SP140: variants seen among roughly 807,000 people sequenced by gnomAD.
The protein encoded by SP140 is nuclear body protein SP140.
In SP140, 81 loss-of-function variants were observed where a neutral mutation model predicts 125.0. The observed-to-expected ratio is 0.65, with a 90% CI of 0.54 to 0.78. The LOEUF (loss-of-function observed/expected upper bound fraction) is 0.78. SP140 is among the 30% of genes least tolerant of loss of function. The probability of loss-of-function intolerance (pLI) is 0.00; values close to 1 mark genes in which losing one functional copy is unlikely to be tolerated. For synonymous variants in SP140, 312 were observed against 354.0 expected (o/e 0.88, Z 1.33); for missense variants, 858 against 1,037.0 (o/e 0.83, Z 2.37).
intron 12 of SP140, among the ~76,000 whole-genome samples, chr2:230,257,455 G>C (rs373497720): frequency 6.6e-6 from 1 of 152,108 alleles, no homozygotes; most frequent in Non-Finnish European, 1.5e-5. Flanking sequence ...GTAATAAAAA[G>C]ATATCACTAG....
At chr2:230,214,891 C>T in intron 3 of SP140, 13 of 1,456,694 alleles carry the variant, frequency 8.9e-6, no homozygotes, top group Non-Finnish European at 1.3e-5. Context: ...TAGAAGTAAA[C>T]CCAGACTTTT....
At chr2:230,270,385 G>A (rs992071060) in intron 14 of SP140, among the ~76,000 whole-genome samples, 1 of 152,102 alleles carries the variant, frequency 6.6e-6, no homozygotes, top group Non-Finnish European at 1.5e-5. Flanking sequence ...AGCCCAACAC[G>A]TATTTTTGAT....
At chr2:230,269,366 G>A (rs977576369) in intron 12 of SP140, among the ~76,000 whole-genome samples, 166 bp from the exon 13 acceptor site, 10 of 102,986 alleles carry the variant, frequency 9.7e-5, no homozygotes, top group Non-Finnish European at 1.5e-4. Context: ...TGGGGAGAGC[G>A]TGGCTCTGTT....
At chr2:230,250,611 G>A (rs918016657) in intron 9 of SP140, among the ~76,000 whole-genome samples, 3 of 152,118 alleles carry the variant, frequency 2.0e-5, no homozygotes, top group African/African-American at 7.2e-5. Context: ...CAGAGTCAGG[G>A]GTGCAAGAGA....
At chr2:230,303,424 C>G (rs2058487193) in intron 22 of SP140, among the ~76,000 whole-genome samples, 1 of 152,060 alleles carries the variant, frequency 6.6e-6, no homozygotes, top group Admixed American at 6.6e-5. Flanking sequence ...TAAAAAATTG[C>G]CAATACTAGA....
At chr2:230,208,577 T>C (rs1420945662) in intron 1 of SP140, among the ~76,000 whole-genome samples, 1 of 152,180 alleles carries the variant, frequency 6.6e-6, no homozygotes, top group East Asian at 1.9e-4. Context: ...TATCTCCTTA[T>C]GGTGCAGGAG....
upstream of SP140, among the ~76,000 whole-genome samples, chr2:230,221,021 G>A (rs1294046231): frequency 1.3e-5 from 2 of 151,732 alleles, no homozygotes; most frequent in African/African-American, 4.8e-5. Context: ...GGTGGCTCAC[G>A]CCTGTAATCC....
chr2:230,209,852 T>C, intron 1 of SP140: 1 of 866,384 alleles, frequency 1.2e-6, no homozygotes, highest in African/African-American at 1.6e-5. Context: ...GTGGTGCTCT[T>C]GACAAGATAC....
chr2:230,269,171 G>A (rs946630491), intron 12 of SP140, among the ~76,000 whole-genome samples: 6 of 152,148 alleles, frequency 3.9e-5, no homozygotes, highest in South Asian at 2.1e-4. Context: ...TAATGGGCTC[G>A]CTTTCAGAAA....
At chr2:230,221,767 G>T, upstream of SP140, 1 of 1,529,192 alleles carries the variant, frequency 6.5e-7, no homozygotes, top group South Asian at 1.2e-5. Context: ...CTGGCAGCAA[G>T]AACTTCTTCC....
At chr2:230,236,507 G>A (rs2048032423) in intron 1 of SP140, among the ~76,000 whole-genome samples, 1 of 152,198 alleles carries the variant, frequency 6.6e-6, no homozygotes, top group Admixed American at 6.5e-5. Context: ...TCTGTAGTGT[G>A]GGCCTGCTGT....
intron 15 of SP140, among the ~76,000 whole-genome samples, chr2:230,280,834 C>CA (rs2055433068): frequency 6.6e-6 from 1 of 151,996 alleles, no homozygotes; most frequent in Admixed American, 6.6e-5. Flanking sequence ...TTTGTATACT[C>CA]ACCATTGTTC....
chr2:230,272,445 C>T lies in SP140; in HGVS notation c.1498+1806C>T, dbSNP rs571856758. On this transcript the variant is annotated intron_variant, in intron 15 of 26. Transcript: ENST00000392045. ...TGGCAGGTAATTGAATCATAGGGGC[C>T]GGTTTTTCCTGTGCTATTCTCATAA... Among the ~76,000 whole-genome samples, 182 of 152,164 alleles carry T rather than the reference C, an allele frequency of 1.2e-3. 1 individual carries two copies. Among genetic ancestry groups the T allele is most frequent in the African/African-American group, 4.0e-3 (165 of 41,514 alleles).
chr2:230,251,922 C>T (rs996598714), intron 10 of SP140, among the ~76,000 whole-genome samples: 10 of 152,104 alleles, frequency 6.6e-5, no homozygotes, highest in African/African-American at 1.9e-4. Flanking sequence ...GAGGGAAATG[C>T]GGAGACCAGT....
chr2:230,244,766 G>A (rs1291289280), intron 5 of SP140, among the ~76,000 whole-genome samples: 1 of 152,154 alleles, frequency 6.6e-6, no homozygotes, highest in Non-Finnish European at 1.5e-5. Flanking sequence ...TGGCGTAGAA[G>A]CAAGAGTGTG....
intron 15 of SP140, among the ~76,000 whole-genome samples, chr2:230,276,815 G>A (rs529963942): frequency 6.6e-6 from 1 of 152,188 alleles, no homozygotes; most frequent in Non-Finnish European, 1.5e-5. Context: ...GAATTTAGAA[G>A]AAGTTGATTA....
intron 6 of SP140, 53 bp downstream of exon 6, chr2:230,245,133 T>G: frequency 1.5e-5 from 18 of 1,186,984 alleles, no homozygotes; most frequent in Non-Finnish European, 1.7e-5. Context: ...GGCCTATCTC[T>G]ATGCAACCAA....
chr2:230,280,894 T>C (rs1358719756), intron 15 of SP140, among the ~76,000 whole-genome samples: 1 of 152,202 alleles, frequency 6.6e-6, no homozygotes, highest in African/African-American at 2.4e-5. Flanking sequence ...TCTTTGTTTT[T>C]TCTAGTGAGT....
At chr2:230,299,497 G>A (rs546449233) in intron 22 of SP140, among the ~76,000 whole-genome samples, 1 of 152,322 alleles carries the variant, frequency 6.6e-6, no homozygotes, top group Non-Finnish European at 1.5e-5. Flanking sequence ...ACAGTCCTTG[G>A]GGAGGGCAGC....
Sources: gnomAD v4.1 joint callset for allele counts (sites outside exome capture counted in the v4.1 genomes callset) on GRCh38, gnomAD v4.1.1 for gene constraint, MANE v1.5 for transcripts, NCBI Gene and HGNC (gene_info 2026-07-23, HGNC 2026-07-21) for gene names.